Variants in KIF16B observed in about 807,000 individuals in gnomAD.
The protein encoded by KIF16B is kinesin family member 16B.
A neutral mutation model predicts 156.3 loss-of-function variants in KIF16B; 98 were observed. That is an observed-to-expected ratio of 0.63 (90% CI 0.53 to 0.74). The LOEUF is 0.74. Ranked by LOEUF, KIF16B falls within the 30% of genes least tolerant of loss-of-function variation. KIF16B has a pLI of 0.00. For missense variants in KIF16B, 1,421 were observed against 1,606.5 expected, an observed-to-expected ratio of 0.88 and a Z score of 1.97; for synonymous variants, 564 against 583.7, an observed-to-expected ratio of 0.97 and a Z score of 0.49.
At chr20:16,490,088 G>C (rs566561549) in intron 12 of KIF16B, among the ~76,000 whole-genome samples, 3 of 152,298 alleles carry the variant, frequency 2.0e-5, no homozygotes, top group African/African-American at 7.2e-5. Context: ...CAGGGCTGTT[G>C]TTATAGGCTG....
intron 12 of KIF16B, among the ~76,000 whole-genome samples, chr20:16,445,235 A>G (rs1375543115): frequency 6.6e-6 from 1 of 152,086 alleles, no homozygotes. Context: ...AGAATACATG[A>G]GCACATATAT....
chr20:16,436,984 C>T (rs1286712913), intron 12 of KIF16B, among the ~76,000 whole-genome samples: 1 of 152,176 alleles, frequency 6.6e-6, no homozygotes, highest in Non-Finnish European at 1.5e-5. Context: ...TCCAAGAATG[C>T]TCAAGTCTCT....
intron 1 of KIF16B, among the ~76,000 whole-genome samples, chr20:16,540,278 CCA>C (rs1472657467): frequency 1.3e-5 from 2 of 152,144 alleles, no homozygotes; most frequent in Non-Finnish European, 2.9e-5. Context: ...AAATAGCAAG[CCA>C]TTCACAGTGG....
chr20:16,339,244 A>G (rs1050930046), intron 23 of KIF16B, among the ~76,000 whole-genome samples: 1 of 152,070 alleles, frequency 6.6e-6, no homozygotes, highest in African/African-American at 2.4e-5. Flanking sequence ...TTTGGTTTTG[A>G]TCGTACTCAG....
intron 15 of KIF16B, among the ~76,000 whole-genome samples, chr20:16,416,305 T>C (rs1191464733): frequency 1.3e-5 from 2 of 152,222 alleles, no homozygotes; most frequent in Admixed American, 6.5e-5. Flanking sequence ...TCCTGAATGG[T>C]ATTGCCTACA....
Position 16,504,535 on chromosome 20 carries a change from G to T in KIF16B, c.1013C>A (p.Ala338Asp), listed in dbSNP as rs1464656813. 1 of 1,613,580 alleles carries T rather than the reference G, an allele frequency of 6.2e-7. No homozygotes were observed. The highest frequency in any genetic ancestry group is 8.5e-7 in the Non-Finnish European group (1 of 1,179,616). ...KTIMIATISP[A>D]DVNYGETLST... ...TAGGGTTTCTCCATAATTGACATCAGCAGGTGAAATGGCTGTGAAGAATGT... is the reference window on the plus strand; with the variant it reads ...TAGGGTTTCTCCATAATTGACATCATCAGGTGAAATGGCTGTGAAGAATGT... Residue 338 changes from alanine to aspartate, a missense_variant, in exon 10 of 26, where the codon GCT becomes GAT. Coordinates refer to ENST00000354981, the MANE Select transcript of KIF16B (RefSeq NM_024704.5).
intron 3 of KIF16B, among the ~76,000 whole-genome samples, chr20:16,517,132 C>A (rs544187126): frequency 4.6e-5 from 7 of 152,318 alleles, no homozygotes; most frequent in Admixed American, 4.6e-4. Flanking sequence ...CACAGCCTGT[C>A]ATCCAAGGAC....
At chr20:16,515,786 A>T in intron 3 of KIF16B, 122 bp from the exon 4 acceptor site, 1 of 609,416 alleles carries the variant, frequency 1.6e-6, no homozygotes, top group Non-Finnish European at 2.9e-6. Flanking sequence ...CATATAAATA[A>T]ATCACTGCAG....
intron 25 of KIF16B, among the ~76,000 whole-genome samples, chr20:16,279,780 CA>C (rs2063119019): frequency 6.6e-6 from 1 of 152,180 alleles, no homozygotes. Flanking sequence ...TTTAAATTTC[CA>C]ATGCCATTTC....
chr20:16,406,040 G>A (rs1159586771), intron 16 of KIF16B, among the ~76,000 whole-genome samples: 1 of 152,124 alleles, frequency 6.6e-6, no homozygotes, highest in African/African-American at 2.4e-5. Context: ...CCAATGTTGG[G>A]TTAATTCCTA....
chr20:16,434,078 C>T (rs1196809183), intron 12 of KIF16B, among the ~76,000 whole-genome samples: 1 of 152,150 alleles, frequency 6.6e-6, no homozygotes, highest in African/African-American at 2.4e-5. Context: ...AAAAACCCCA[C>T]AAACTGACTA....
intron 17 of KIF16B, among the ~76,000 whole-genome samples, chr20:16,383,882 T>C (rs1416647714): frequency 1.3e-5 from 2 of 152,244 alleles, no homozygotes; most frequent in African/African-American, 4.8e-5. Context: ...CACTGAGCAC[T>C]GGGCATTCGG....
intron 24 of KIF16B, among the ~76,000 whole-genome samples, chr20:16,332,548 G>T (rs1013753627): frequency 3.3e-5 from 5 of 152,056 alleles, no homozygotes; most frequent in African/African-American, 1.2e-4. Flanking sequence ...ACATTCTTTT[G>T]TCCTTATGTG....
chr20:16,505,617 A>C, intron 9 of KIF16B, 105 bp downstream of exon 9: 2 of 987,746 alleles, frequency 2.0e-6, no homozygotes, highest in Non-Finnish European at 3.0e-6. Flanking sequence ...TACTTTTTTA[A>C]GATGTAAAAG....
At chr20:16,538,007 C>T (rs2070046929) in intron 1 of KIF16B, among the ~76,000 whole-genome samples, 1 of 152,078 alleles carries the variant, frequency 6.6e-6, no homozygotes, top group Non-Finnish European at 1.5e-5. Flanking sequence ...CCCAGCCCTA[C>T]CCACATTTTC....
At chr20:16,285,086 G>A (rs2063203800) in intron 25 of KIF16B, among the ~76,000 whole-genome samples, 1 of 152,148 alleles carries the variant, frequency 6.6e-6, no homozygotes, top group Non-Finnish European at 1.5e-5. Flanking sequence ...TGGTGAGACT[G>A]AGAAACTAAA....
intron 12 of KIF16B, among the ~76,000 whole-genome samples, chr20:16,448,655 A>G (rs2066998285): frequency 6.6e-6 from 1 of 152,224 alleles, no homozygotes; most frequent in Non-Finnish European, 1.5e-5. Context: ...ATGACCATAA[A>G]CAGCAAGCAA....
intron 12 of KIF16B, among the ~76,000 whole-genome samples, chr20:16,489,736 CAG>C (rs2068228813): frequency 6.9e-6 from 1 of 145,390 alleles, no homozygotes; most frequent in South Asian, 2.1e-4. Context: ...CTTGAAGGTA[CAG>C]ACCCGTCCCC....
chr20:16,347,644 A>C (rs1169058435), intron 23 of KIF16B, among the ~76,000 whole-genome samples: 2 of 152,236 alleles, frequency 1.3e-5, no homozygotes, highest in Non-Finnish European at 2.9e-5. Flanking sequence ...ATTTTTTAAA[A>C]ATCCTAGGAT....
Sources: allele counts gnomAD v4.1 joint callset (sites outside exome capture counted in the v4.1 genomes callset), GRCh38; gene constraint gnomAD v4.1.1; transcripts MANE v1.5; gene names NCBI Gene and HGNC (gene_info 2026-07-23, HGNC 2026-07-21).